FMN1: variants seen among roughly 807,000 people sequenced by gnomAD.
FMN1 encodes the protein formin 1, also known as formin-1.
FMN1 carries 110 observed loss-of-function variants against 132.4 expected under a neutral mutation model. That is an observed-to-expected ratio of 0.83 (90% confidence interval 0.71 to 0.97). The LOEUF (loss-of-function observed/expected upper bound fraction) is 0.97, where lower values mean the gene tolerates loss of function less well. Ranked by LOEUF, FMN1 falls within the 50% of genes least tolerant of loss-of-function variation. The pLI is 0.00. For missense variants in FMN1, 1,792 were observed against 1,705.3 expected, an observed-to-expected ratio of 1.05 and a Z score of -0.90; for synonymous variants, 722 against 651.7, an observed-to-expected ratio of 1.11 and a Z score of -1.64.
chr15:32,899,982 A>C lies in FMN1; in HGVS notation c.3651T>G (p.Ser1217Arg). The change falls in exon 14 of 21, where the codon AGT becomes AGG. Residue 1217 changes from serine (S) to arginine (R), a missense_variant. Physicochemically the swap from Ser to Arg is moderately radical, Grantham distance 110. Around this residue, in one of 3 missense-constraint regions of FMN1, gnomAD observed 1,150 missense variants for 1,043.1 expected, o/e 1.10. Coordinates refer to ENST00000616417, the MANE Select transcript of FMN1 (RefSeq NM_001277313.2). Reference protein sequence around the residue: ...EILPKLKDVKSRDNGINLVDY... With the variant: ...EILPKLKDVKRRDNGINLVDY... Reference sequence around the variant, plus strand: ...ACTTATTATGAAAAATAAATACCCGACTTTTGACATCCTTGAGTTTGGGCA... The same window carrying C: ...ACTTATTATGAAAAATAAATACCCGCCTTTTGACATCCTTGAGTTTGGGCA... 1.2e-6 allele frequency: 2 copies of C among 1,612,974 alleles called. No homozygotes were observed. Among genetic ancestry groups the C allele is most frequent in the Non-Finnish European group, 1.7e-6 (2 of 1,179,658 alleles).
intron 4 of FMN1, among the ~76,000 whole-genome samples, chr15:33,108,511 T>C (rs1208171492): frequency 2.0e-5 from 3 of 151,172 alleles, no homozygotes; most frequent in Non-Finnish European, 4.4e-5. Context: ...AACATAATTC[T>C]CTAACTCTGC....
chr15:32,920,490 ACTATCT>A (rs774047755), intron 10 of FMN1, among the ~76,000 whole-genome samples: 31 of 152,158 alleles, frequency 2.0e-4, no homozygotes, highest in Non-Finnish European at 4.6e-4. Context: ...GACATCAAAC[ACTATCT>A]TGGGTAGAAA....
chr15:32,824,249 A>T (rs888040340), intron 17 of FMN1, among the ~76,000 whole-genome samples: 1 of 152,238 alleles, frequency 6.6e-6, no homozygotes, highest in Non-Finnish European at 1.5e-5. Flanking sequence ...ATACCATGAA[A>T]GCCAAGTCTG....
intron 4 of FMN1, among the ~76,000 whole-genome samples, chr15:33,116,759 T>G (rs890315456): frequency 3.3e-5 from 5 of 152,086 alleles, no homozygotes; most frequent in Non-Finnish European, 5.9e-5. Context: ...TATGGCTTTT[T>G]TTTCCCTCAT....
chr15:32,963,517 A>G (rs1428046005), intron 9 of FMN1, among the ~76,000 whole-genome samples: 2 of 152,104 alleles, frequency 1.3e-5, no homozygotes, highest in Non-Finnish European at 2.9e-5. Context: ...AAGAAGAAAA[A>G]AAAAAGAAGG....
chr15:32,897,748 G>A (rs375386535), intron 15 of FMN1, among the ~76,000 whole-genome samples: 4 of 152,164 alleles, frequency 2.6e-5, no homozygotes, highest in East Asian at 1.9e-4. Context: ...GTAGAACCTC[G>A]AAATAGAGAG....
intron 4 of FMN1, among the ~76,000 whole-genome samples, chr15:33,148,978 C>T (rs893240764): frequency 2.5e-5 from 3 of 120,652 alleles, no homozygotes; most frequent in African/African-American, 3.7e-5. Context: ...CCCGACCCCA[C>T]ACACAAGCAC....
chr15:33,048,753 C>G (rs1596550771), intron 6 of FMN1, among the ~76,000 whole-genome samples: 1 of 151,836 alleles, frequency 6.6e-6, no homozygotes, highest in Non-Finnish European at 1.5e-5. Flanking sequence ...TGGCGGCAGG[C>G]AAAGAGAGAG....
chr15:33,158,005 A>T (rs56028243), intron 3 of FMN1, among the ~76,000 whole-genome samples: 1 of 148,296 alleles, frequency 6.7e-6, no homozygotes, highest in Non-Finnish European at 1.5e-5. Flanking sequence ...AAAAAAAAAA[A>T]AAAAAGAAAA....
intron 9 of FMN1, among the ~76,000 whole-genome samples, chr15:32,937,989 G>C (rs2061317565): frequency 6.6e-6 from 1 of 152,304 alleles, no homozygotes; most frequent in Middle Eastern, 3.4e-3. Context: ...TTCTGAGATT[G>C]GTTAGAAATT....
intron 9 of FMN1, among the ~76,000 whole-genome samples, chr15:32,956,455 A>G (rs530945526): frequency 6.6e-6 from 1 of 152,126 alleles, no homozygotes; most frequent in Admixed American, 6.5e-5. Flanking sequence ...GAATTTTTGT[A>G]AACTGGTGCC....
intron 17 of FMN1, among the ~76,000 whole-genome samples, chr15:32,821,449 CTT>C (rs34336647): frequency 0.015 from 1,654 of 110,722 alleles, 13 homozygotes; most frequent in Middle Eastern, 0.043. Context: ...ATATTTAAAT[CTT>C]TTTTTTTTTT....
At chr15:32,795,047 A>T (rs1320235256) in intron 19 of FMN1, among the ~76,000 whole-genome samples, 1 of 152,138 alleles carries the variant, frequency 6.6e-6, no homozygotes, top group Non-Finnish European at 1.5e-5. Context: ...ATAAAAAAAT[A>T]AAATTAGCTA....
Position 33,031,310 on chromosome 15 carries a change from G to A in FMN1, c.2162-23235C>T, listed in dbSNP as rs564416259. Among the ~76,000 whole-genome samples the A allele has an allele frequency of 3.3e-5, 5 of 152,276 alleles. No homozygotes were observed. The East Asian group carries it at 7.7e-4, about 24-fold the overall frequency. On this transcript the variant is annotated intron_variant, in intron 6 of 20. Transcript: ENST00000616417. The stretch of plus-strand genomic sequence containing the variant: ...AGCCTAAGCTTTCTACCATCAGGAG[G>A]AGCCAGCACTGTGGAGAGGGTCTGC...
At chr15:32,902,145 T>G in intron 12 of FMN1, 105 bp from the exon 13 acceptor site, 1 of 944,848 alleles carries the variant, frequency 1.1e-6, no homozygotes, top group Non-Finnish European at 1.6e-6. Flanking sequence ...CCTAACAATC[T>G]CAACAATTAT....
At chr15:33,127,568 A>G (rs1423949591) in intron 4 of FMN1, among the ~76,000 whole-genome samples, 1 of 152,268 alleles carries the variant, frequency 6.6e-6, no homozygotes, top group Non-Finnish European at 1.5e-5. Context: ...TTTAAAACAG[A>G]AACCAGTCTG....
chr15:32,969,625 T>C, intron 7 of FMN1, 148 bp from the exon 8 acceptor site: 1 of 1,007,336 alleles, frequency 9.9e-7, no homozygotes, highest in Non-Finnish European at 1.4e-6. Flanking sequence ...TAAGAATCCA[T>C]AAAGGTGTAA....
rs749382779 is a variant in FMN1, at chr15:32,964,123, T to A, written c.3122A>T (p.Lys1041Ile). ...KKPLSETYEK[K>I]NKVKKIIKLL... ...ACTCAGTACCTTTTTGACCTTGTTT[T>A]TCTTCTCATAAGTCTCTGACAGAGG... Residue 1041 changes from lysine to isoleucine, a missense_variant, in exon 9 of 21, where the codon AAA becomes ATA. Coordinates refer to ENST00000616417, the MANE Select transcript of FMN1 (RefSeq NM_001277313.2). 1.9e-6 allele frequency: 3 copies of A among 1,611,804 alleles called. No homozygotes were observed. In the East Asian group the frequency reaches 6.7e-5, roughly 36 times the overall value.
intron 4 of FMN1, among the ~76,000 whole-genome samples, chr15:33,109,442 T>C (rs1016522450): frequency 1.3e-5 from 2 of 152,016 alleles, no homozygotes; most frequent in Admixed American, 1.3e-4. Context: ...ATCAACCTAA[T>C]GTCAATCGAT....
Sources: allele counts gnomAD v4.1 joint callset (sites outside exome capture counted in the v4.1 genomes callset), GRCh38; gene constraint gnomAD v4.1.1; regional missense constraint gnomAD v4.1.1; transcripts MANE v1.5; gene names NCBI Gene and HGNC (gene_info 2026-07-23, HGNC 2026-07-21).